The following SP140L variants were observed in gnomAD, a reference collection of about 807,000 sequenced individuals.
SP140L encodes the protein SP140 like nuclear body protein.
Under a neutral mutation model 84.3 loss-of-function variants are expected in SP140L, and 64 were observed. The observed-to-expected ratio is 0.76, with a 90% confidence interval of 0.62 to 0.94. The LOEUF is 0.94. Ranked by LOEUF, SP140L falls within the 40% of genes least tolerant of loss-of-function variation. The pLI is 0.00. For synonymous variants in SP140L, 242 were observed against 236.9 expected, an observed-to-expected ratio of 1.02 and a Z score of -0.20; for missense variants, 628 against 692.5, an observed-to-expected ratio of 0.91 and a Z score of 1.05.
At chr2:230,381,554 G>A (rs2061406245) in intron 7 of SP140L, among the ~76,000 whole-genome samples, 1 of 152,162 alleles carries the variant, frequency 6.6e-6, no homozygotes, top group South Asian at 2.1e-4. Context: ...TTTGTTAAAT[G>A]TTGTAGGAAC....
chr2:230,336,868 T>C (rs887972557), intron 2 of SP140L, among the ~76,000 whole-genome samples: 2 of 152,220 alleles, frequency 1.3e-5, no homozygotes, highest in East Asian at 1.9e-4. Flanking sequence ...ACTTCTGTGC[T>C]GTTTGTATTA....
At chr2:230,344,255 C>T (rs764528481) in intron 2 of SP140L, among the ~76,000 whole-genome samples, 1 of 152,160 alleles carries the variant, frequency 6.6e-6, no homozygotes, top group Non-Finnish European at 1.5e-5. Context: ...GAATTGAACC[C>T]TTTACCATTA....
At chr2:230,387,925 T>A (rs1238261994) in intron 9 of SP140L, among the ~76,000 whole-genome samples, 3 of 152,152 alleles carry the variant, frequency 2.0e-5, no homozygotes, top group Non-Finnish European at 4.4e-5. Flanking sequence ...GAAGCCCTGG[T>A]CACATTTACT....
intron 5 of SP140L, among the ~76,000 whole-genome samples, chr2:230,370,391 T>C (rs1409832871): frequency 2.6e-5 from 4 of 152,022 alleles, no homozygotes. Context: ...GACAAGGAAA[T>C]AGGTTGTCCT....
At chr2:230,330,821 A>G (rs536869173) in intron 2 of SP140L, among the ~76,000 whole-genome samples, 2 of 152,308 alleles carry the variant, frequency 1.3e-5, no homozygotes, top group East Asian at 3.9e-4. Flanking sequence ...GAAATAAACA[A>G]TTCATGAGTT....
chr2:230,327,279 G>A lies in SP140L; in HGVS notation c.10G>A (p.Gly4Arg), dbSNP rs1024528491. 1.9e-6 allele frequency: 3 copies of A among 1,611,556 alleles called. No homozygotes were observed. The highest frequency in any genetic ancestry group is 2.7e-5 in the African/African-American group (2 of 74,866). Residue 4 changes from glycine (G) to arginine (R), a missense_variant, in exon 1 of 19, where the codon GGG becomes AGG. Gly to Arg is a moderately radical substitution (Grantham distance 125). This residue lies in a region of SP140L where 525 missense variants were observed against 518.4 expected (regional missense o/e 1.01). Transcript: ENST00000415673. Reference protein sequence around the residue: MAGGGSDLSTRGLN... With the variant: MAGRGSDLSTRGLN... ...GGCCTAGGGTGGGACGATGGCAGGT[G>A]GGGGCAGCGACCTGAGCACCAGGTG...
intron 3 of SP140L, 144 bp downstream of exon 3, chr2:230,358,111 C>T: frequency 1.1e-6 from 1 of 928,592 alleles, no homozygotes; most frequent in Non-Finnish European, 1.6e-6. Context: ...AAATGGTGTT[C>T]CATGGCACCC....
At chr2:230,374,444 C>T (rs1265513605) in intron 7 of SP140L, among the ~76,000 whole-genome samples, 2 of 152,082 alleles carry the variant, frequency 1.3e-5, no homozygotes, top group Non-Finnish European at 2.9e-5. Flanking sequence ...ATGGAATCTG[C>T]TCCTGGGAAA....
At chr2:230,402,539 A>C (rs113855774) in intron 18 of SP140L, among the ~76,000 whole-genome samples, 130 of 152,354 alleles carry the variant, frequency 8.5e-4, no homozygotes, top group Admixed American at 2.4e-3. Context: ...TTGTTAAGAG[A>C]GTAAATATCA....
At chr2:230,332,285 C>T (rs1013398645) in intron 2 of SP140L, among the ~76,000 whole-genome samples, 11 of 152,170 alleles carry the variant, frequency 7.2e-5, no homozygotes, top group Admixed American at 2.0e-4. Flanking sequence ...AAACAGTCAA[C>T]AAGACCTTAA....
At chr2:230,328,895 T>C in intron 2 of SP140L, 64 bp downstream of exon 2, 2 of 1,544,534 alleles carry the variant, frequency 1.3e-6, no homozygotes, top group Non-Finnish European at 1.7e-6. Flanking sequence ...GCTGAACAGC[T>C]TTTCATGTTT....
chr2:230,373,818 G>A (rs1388361945), intron 7 of SP140L, among the ~76,000 whole-genome samples: 1 of 152,168 alleles, frequency 6.6e-6, no homozygotes, highest in Non-Finnish European at 1.5e-5. Context: ...ATGAATCTGG[G>A]CAAAGTCAAT....
chr2:230,373,479 C>T (rs905486342), intron 7 of SP140L, among the ~76,000 whole-genome samples: 2 of 152,194 alleles, frequency 1.3e-5, no homozygotes, highest in Non-Finnish European at 2.9e-5. Context: ...TAAATCTACT[C>T]TGCCTGTGCT....
At chr2:230,347,051 T>A (rs1464002188) in intron 2 of SP140L, among the ~76,000 whole-genome samples, 1 of 152,232 alleles carries the variant, frequency 6.6e-6, no homozygotes, top group Non-Finnish European at 1.5e-5. Flanking sequence ...TAGTAGTCAG[T>A]GTTTCCTGGA....
chr2:230,381,259 TCTC>T (rs1316949864), intron 7 of SP140L, among the ~76,000 whole-genome samples: 7 of 152,156 alleles, frequency 4.6e-5, no homozygotes, highest in Non-Finnish European at 8.8e-5. Flanking sequence ...CCTGGGGACA[TCTC>T]CTCTGGAAAA....
intron 2 of SP140L, among the ~76,000 whole-genome samples, chr2:230,331,139 GA>G (rs143852112): frequency 0.024 from 3,615 of 148,820 alleles, 147 homozygotes; most frequent in African/African-American, 0.084. Context: ...TTTCCTGAAA[GA>G]AAAAAAAAAT....
rs1471557183 is a variant in SP140L at position 230,340,497 on chromosome 2, A to T, written c.107+11666A>T. On this transcript the variant is annotated intron_variant, in intron 2 of 18. Transcript: ENST00000415673. ...GAGCATTTAGTCCATTTACATTTAA[A>T]GTTAATATTGTTATGTGTGAATTTG... Among the ~76,000 whole-genome samples, 20 of 144,770 alleles carry T rather than the reference A, an allele frequency of 1.4e-4. No homozygotes were observed. In the East Asian group the frequency reaches 3.8e-3, roughly 28 times the overall value. 95.0% of individuals were successfully genotyped at this position (144,770 alleles called of 152,430 possible).
intron 2 of SP140L, among the ~76,000 whole-genome samples, chr2:230,354,064 C>G (rs2149720340): frequency 6.6e-6 from 1 of 152,264 alleles, no homozygotes; most frequent in African/African-American, 2.4e-5. Context: ...TAATTTGAAG[C>G]TTTAATTCAA....
intron 8 of SP140L, 45 bp from the exon 9 acceptor site, chr2:230,385,179 G>A (rs755619521): frequency 2.5e-6 from 4 of 1,599,644 alleles, no homozygotes; most frequent in East Asian, 4.5e-5. Context: ...GTGAGCTGTT[G>A]TTCTGCCCAG....
Sources: allele counts gnomAD v4.1 joint callset (sites outside exome capture counted in the v4.1 genomes callset), GRCh38; gene constraint gnomAD v4.1.1; regional missense constraint gnomAD v4.1.1; transcripts MANE v1.5; gene names NCBI Gene and HGNC (gene_info 2026-07-23, HGNC 2026-07-21).